MLLT10: variants seen among roughly 807,000 people sequenced by gnomAD.
MLLT10 encodes the protein MLLT10 histone lysine methyltransferase DOT1L cofactor, also known as protein AF-10.
In MLLT10, 30 loss-of-function variants were observed where a neutral mutation model predicts 129.1. That is an observed-to-expected ratio of 0.23 (90% confidence interval 0.17 to 0.32). MLLT10 has a LOEUF of 0.32. Among genes scored for constraint, MLLT10 ranks in the 10% least tolerant of loss-of-function variants. MLLT10 has a pLI of 1.00. For synonymous variants in MLLT10, 490 were observed against 446.4 expected, an observed-to-expected ratio of 1.10 and a Z score of -1.23; for missense variants, 1,119 against 1,268.3, an observed-to-expected ratio of 0.88 and a Z score of 1.79.
chr10:21,558,028 C>T (rs1338542252), intron 3 of MLLT10, among the ~76,000 whole-genome samples: 1 of 144,160 alleles, frequency 6.9e-6, no homozygotes, highest in African/African-American at 2.6e-5. Flanking sequence ...GGGCTCACTG[C>T]AACCCCTGCC....
At chr10:21,730,138 A>C (rs2057839613) in intron 16 of MLLT10, among the ~76,000 whole-genome samples, 1 of 149,086 alleles carries the variant, frequency 6.7e-6, no homozygotes, top group African/African-American at 2.5e-5. Flanking sequence ...CTCCCCGCCC[A>C]AAAAAAAGCT....
At chr10:21,555,568 T>G (rs995735326) in intron 3 of MLLT10, among the ~76,000 whole-genome samples, 1 of 152,208 alleles carries the variant, frequency 6.6e-6, no homozygotes, top group Non-Finnish European at 1.5e-5. Flanking sequence ...TACGAAACTT[T>G]CTTCTGCTCC....
At position 21,741,921 on chromosome 10, in the gene MLLT10, T is replaced by C. The variant is rs1390021479; in HGVS notation, c.3163-18T>C. 6.2e-7 allele frequency: 1 copy of C among 1,609,524 alleles called. No homozygotes were observed. Among genetic ancestry groups the C allele is most frequent in the Admixed American group, 1.7e-5 (1 of 59,334 alleles). ...AAGTTGATTTAGCTAACGCATCTGC[T>C]CTTTTGTTTACCTGCAGAGACTTAG... On this transcript the variant is annotated intron_variant, in intron 22 of 22. Coordinates refer to ENST00000307729, the MANE Select transcript of MLLT10 (RefSeq NM_001195626.3).
At chr10:21,674,080 C>G (rs1376863208) in intron 11 of MLLT10, among the ~76,000 whole-genome samples, 161 bp downstream of exon 11, 3 of 152,096 alleles carry the variant, frequency 2.0e-5, no homozygotes, top group African/African-American at 2.4e-5. Context: ...ATGGAAAATA[C>G]AAAAATATCT....
rs539626027 is a variant in MLLT10 at position 21,654,492 on chromosome 10, C to T, written c.795+2724C>T. ...TAAGAAGCAATGCTTTTAGTTGTGA[C>T]GATTTGAGGAGTATTAGAGATTTGA... On this transcript the variant is annotated intron_variant, in intron 9 of 22. Transcript: ENST00000307729. 2.0e-4 allele frequency among the ~76,000 whole-genome samples: 30 copies of T among 151,970 alleles called. No individual in the cohort carries two copies. The South Asian group carries it at 5.4e-3, about 27-fold the overall frequency.
intron 13 of MLLT10, 70 bp from the exon 14 acceptor site, chr10:21,713,702 T>G: frequency 4.4e-6 from 6 of 1,353,238 alleles, no homozygotes; most frequent in Non-Finnish European, 5.1e-6. Context: ...AATGCAAGTT[T>G]ACTGATTATG....
At chr10:21,565,401 G>A (rs2039421512) in intron 3 of MLLT10, among the ~76,000 whole-genome samples, 1 of 152,024 alleles carries the variant, frequency 6.6e-6, no homozygotes, top group African/African-American at 2.4e-5. Context: ...TCCGCCTTCC[G>A]GATTGAAGCG....
intron 3 of MLLT10, chr10:21,556,562 C>A: frequency 9.2e-7 from 1 of 1,092,058 alleles, no homozygotes; most frequent in Non-Finnish European, 1.3e-6. Context: ...GGAAATTAAG[C>A]TTTGCAGTTT....
At chr10:21,538,761 C>A in intron 2 of MLLT10, 72 bp from the exon 3 acceptor site, 1 of 1,110,168 alleles carries the variant, frequency 9.0e-7, no homozygotes, top group Non-Finnish European at 1.4e-6. Flanking sequence ...ATTAATAGGG[C>A]TTTGAAAGGG....
intron 5 of MLLT10, 97 bp downstream of exon 5, chr10:21,595,537 C>A: frequency 1.1e-6 from 1 of 942,022 alleles, no homozygotes; most frequent in Non-Finnish European, 1.5e-6. Context: ...CCATCAAATC[C>A]AGGGAGATTT....
intron 14 of MLLT10, among the ~76,000 whole-genome samples, chr10:21,718,459 CT>C (rs997649812): frequency 6.6e-6 from 1 of 150,790 alleles, no homozygotes; most frequent in Non-Finnish European, 1.5e-5. Context: ...AATGCAGGTG[CT>C]TTTTTTTTGG....
At position 21,569,348 on chromosome 10, in the gene MLLT10, C is replaced by T. The variant is rs545707525; in HGVS notation, c.241-16946C>T. Among the ~76,000 whole-genome samples the T allele has an allele frequency of 1.0e-3, 155 of 151,902 alleles. 1 individual carries two copies. The highest frequency in any genetic ancestry group is 1.8e-3 in the Non-Finnish European group (122 of 67,950). On this transcript the variant is annotated intron_variant, in intron 3 of 22. Transcript: ENST00000307729. Reference sequence around the variant, plus strand: ...ATCATAGCTCATTAAGCCTCCACCTCCTGGGCTCAAATGATCCTCCCACCT... The same window carrying T: ...ATCATAGCTCATTAAGCCTCCACCTTCTGGGCTCAAATGATCCTCCCACCT...
rs61340637 is a variant in MLLT10 at position 21,596,741 on chromosome 10, T to C, written c.405+1301T>C. Among the ~76,000 whole-genome samples the C allele has an allele frequency of 9.1e-3, 1,388 of 152,238 alleles. 14 individuals are homozygous for C. The highest frequency in any genetic ancestry group is 0.031 in the African/African-American group (1,298 of 41,566). On this transcript the variant is annotated intron_variant, in intron 5 of 22. Coordinates refer to ENST00000307729, the MANE Select transcript of MLLT10 (RefSeq NM_001195626.3). ...ATTATTCATGTATGTTAATTGACCT[T>C]CCATATCTGTTTATTTTAATATTAT...
At chr10:21,624,569 A>G in intron 8 of MLLT10, 1 of 1,316,778 alleles carries the variant, frequency 7.6e-7, no homozygotes, top group Admixed American at 2.5e-5. Flanking sequence ...TGCCATTATC[A>G]TTTTCAAGCC....
chr10:21,638,513 G>A (rs572499575), intron 8 of MLLT10, among the ~76,000 whole-genome samples: 5 of 152,044 alleles, frequency 3.3e-5, no homozygotes, highest in Non-Finnish European at 7.4e-5. Flanking sequence ...GTGGGATAGT[G>A]ATCTGGGTGC....
At chr10:21,730,862 A>C in intron 16 of MLLT10, 38 bp from the exon 17 acceptor site, 1 of 1,612,890 alleles carries the variant, frequency 6.2e-7, no homozygotes, top group South Asian at 1.1e-5. Flanking sequence ...TCTTAAAAGC[A>C]TTCCCCTTCT....
intron 2 of MLLT10, among the ~76,000 whole-genome samples, chr10:21,536,840 A>G (rs960103194): frequency 1.3e-5 from 2 of 151,762 alleles, no homozygotes; most frequent in Non-Finnish European, 2.9e-5. Context: ...GCTGGAGTGC[A>G]ATGGTGCCAT....
At chr10:21,533,948 G>T (rs568699912), upstream of MLLT10, among the ~76,000 whole-genome samples, 1 of 152,060 alleles carries the variant, frequency 6.6e-6, no homozygotes, top group Non-Finnish European at 1.5e-5. Flanking sequence ...CACCTCCCAG[G>T]CCTCTTCCCG....
At chr10:21,668,718 G>T (rs1304622189) in intron 9 of MLLT10, among the ~76,000 whole-genome samples, 1 of 152,002 alleles carries the variant, frequency 6.6e-6, no homozygotes, top group Admixed American at 6.5e-5. Context: ...ATACTTGAGG[G>T]TTTGATCAAG....
Sources: allele counts gnomAD v4.1 joint callset (sites outside exome capture counted in the v4.1 genomes callset), GRCh38; gene constraint gnomAD v4.1.1; transcripts MANE v1.5; gene names NCBI Gene and HGNC (gene_info 2026-07-23, HGNC 2026-07-21).